Variants in C11orf52 observed in about 807,000 individuals in gnomAD.
C11orf52 encodes the protein chromosome 11 open reading frame 52.
In C11orf52, 9 loss-of-function variants were observed where a neutral mutation model predicts 11.7. The ratio of observed to expected loss-of-function variants is 0.77; its 90% CI spans 0.46 to 1.34. C11orf52 has a LOEUF of 1.34. C11orf52 is among the 40% of genes most tolerant of loss of function. C11orf52 has a pLI of 0.00. For synonymous variants in C11orf52, 49 were observed against 57.4 expected, an observed-to-expected ratio of 0.85 and a Z score of 0.66; for missense variants, 139 against 154.8, an observed-to-expected ratio of 0.90 and a Z score of 0.54.
chr11:111,925,624 T>A, intron 2 of C11orf52, 29 bp from the exon 3 acceptor site: 1 of 1,610,810 alleles, frequency 6.2e-7, no homozygotes, highest in Middle Eastern at 1.7e-4. Flanking sequence ...GAAGAGAGAA[T>A]AAACTTAAGT....
chr11:111,919,227 C>G (rs1965647477), intron 1 of C11orf52: 1 of 572,364 alleles, frequency 1.7e-6, no homozygotes, highest in Non-Finnish European at 3.1e-6. Context: ...CTACTCCCAG[C>G]ACTTTGGGAG....
chr11:111,925,800 T>C, intron 3 of C11orf52, 86 bp downstream of exon 3: 2 of 1,572,740 alleles, frequency 1.3e-6, no homozygotes, highest in Non-Finnish European at 1.7e-6. Flanking sequence ...ACAGACACAT[T>C]TCAGTCACCT....
In C11orf52 at chr11:111,919,012, G is replaced by A. The variant is rs782706747; in HGVS notation, c.32+8G>A. ...CTGCTGCGGAGGAAGCTGGTGAGTA[G>A]GCTGGAAGGGCAAAGGGGAACATCT... On this transcript the variant is annotated splice_region_variant and intron_variant, in intron 1 of 3. Transcript: ENST00000278601. The A allele has an allele frequency of 1.8e-5, 29 of 1,614,082 alleles. No homozygotes were observed. Among genetic ancestry groups the A allele is most frequent in the Non-Finnish European group, 2.5e-5 (29 of 1,180,032 alleles).
In C11orf52 at chr11:111,926,596, A is replaced by T; in HGVS notation, c.*397A>T. ...AATGGTATCCTTTTTCACACACCTT[A>T]AACTCCAAAGCTGAAGGGGAGGTGC... On this transcript the variant is annotated 3_prime_UTR_variant, in exon 4 of 4. Transcript: ENST00000278601. 4.6e-6 allele frequency: 1 copy of T among 219,556 alleles called. No homozygotes were observed. The highest frequency in any genetic ancestry group is 9.3e-6 in the Non-Finnish European group (1 of 107,706). 13.6% of individuals were successfully genotyped at this position (219,556 alleles called of 1,614,324 possible).
rs1965798116 is a variant in C11orf52, at chr11:111,926,008, G to C, written c.181G>C (p.Gly61Arg). The C allele has an allele frequency of 1.2e-6, 2 of 1,614,258 alleles. No individual in the cohort carries two copies. Among genetic ancestry groups the C allele is most frequent in the Non-Finnish European group, 1.7e-6 (2 of 1,180,050 alleles). The change falls in exon 4 of 4, where the codon GGG becomes CGG. Residue 61 changes from glycine to arginine, a missense_variant. Gly to Arg is a moderately radical substitution (Grantham distance 125). Coordinates refer to ENST00000278601, the MANE Select transcript of C11orf52 (RefSeq NM_080659.3). ...GTATGAACGGGTGTTACAGCAGCAA[G>C]GGTCTCAAGAGAGGAGTCCAGGCCT... Reference protein sequence around the residue: ...HTYERVLQQQGSQERSPGLMS... With the variant: ...HTYERVLQQQRSQERSPGLMS...
intron 1 of C11orf52, among the ~76,000 whole-genome samples, chr11:111,922,701 A>C (rs1555166633): frequency 6.6e-6 from 1 of 152,208 alleles, no homozygotes; most frequent in Non-Finnish European, 1.5e-5. Context: ...CAGTTACCAA[A>C]TCATGGACCT....
intron 1 of C11orf52, among the ~76,000 whole-genome samples, chr11:111,920,940 A>G (rs915425648): frequency 1.0e-5 from 1 of 98,074 alleles, no homozygotes; most frequent in Non-Finnish European, 2.2e-5. Context: ...TGTGTAGATC[A>G]CAGGCTTATT....
intron 1 of C11orf52, among the ~76,000 whole-genome samples, chr11:111,923,478 G>T (rs1965733877): frequency 6.6e-6 from 1 of 152,166 alleles, no homozygotes; most frequent in African/African-American, 2.4e-5. Flanking sequence ...AGACAAACAG[G>T]GTTGGTTCTG....
In C11orf52 at chr11:111,919,002, C is replaced by G. The variant is rs1166558074; in HGVS notation, c.30C>G (p.Ser10Arg). 2.5e-6 allele frequency: 4 copies of G among 1,614,064 alleles called. No homozygotes were observed. Among genetic ancestry groups the G allele is most frequent in the Admixed American group, 1.7e-5 (1 of 59,998 alleles). ...GAAACCGGGTCTGCTGCGGAGGAAG[C>G]TGGTGAGTAGGCTGGAAGGGCAAAG... is the stretch of plus-strand genomic sequence containing the variant. Reference protein sequence around the residue: MGNRVCCGGSWSCPSTFQKK... With the variant: MGNRVCCGGRWSCPSTFQKK... The change falls in exon 1 of 4, where the codon AGC becomes AGG. Residue 10 changes from serine to arginine, a missense_variant and splice_region_variant. By Grantham distance (110) the Ser-to-Arg change is moderately radical. Transcript: ENST00000278601.
At chr11:111,925,186 T>C (rs1466537929) in intron 2 of C11orf52, among the ~76,000 whole-genome samples, 14 of 149,592 alleles carry the variant, frequency 9.4e-5, no homozygotes, top group Non-Finnish European at 1.8e-4. Flanking sequence ...TTTAGGCAGA[T>C]AAATCAGCTC....
At chr11:111,919,059 G>A in intron 1 of C11orf52, 55 bp downstream of exon 1, 2 of 1,603,814 alleles carry the variant, frequency 1.2e-6, no homozygotes, top group Admixed American at 1.7e-5. Flanking sequence ...TGGATGTAGA[G>A]GCCCCGAAAA....
Position 111,925,686 on chromosome 11 carries a change from C to G in C11orf52, c.104C>G (p.Pro35Arg), listed in dbSNP as rs782510676. Residue 35 changes from proline (P) to arginine (R), a missense_variant, in exon 3 of 4, where the codon CCA becomes CGA. Pro to Arg is a moderately radical substitution (Grantham distance 103, BLOSUM62 -2). Coordinates refer to ENST00000278601, the MANE Select transcript of C11orf52 (RefSeq NM_080659.3). ...ACAAGACGGACACTGAAGCCGCAGC[C>G]ACAACAGCTGCAGCAGAATCTCCCA... ...SQTRRTLKPQ[P>R]QQLQQNLPKG... The G allele has an allele frequency of 6.2e-7, 1 of 1,614,202 alleles. No individual in the cohort carries two copies. The highest frequency in any genetic ancestry group is 1.7e-5 in the Admixed American group (1 of 60,026).
rs587748585 is a variant in C11orf52 at position 111,922,119 on chromosome 11, A to G, written c.33-2207A>G. ...AGTGTTGGCATTACAGGCGTGAGCCACCGCACCTGGCCTATCATACCTCAT... is the reference window on the plus strand; with the variant it reads ...AGTGTTGGCATTACAGGCGTGAGCCGCCGCACCTGGCCTATCATACCTCAT... On this transcript the variant is annotated intron_variant, in intron 1 of 3. Coordinates refer to ENST00000278601, the MANE Select transcript of C11orf52 (RefSeq NM_080659.3). 5.3e-5 allele frequency among the ~76,000 whole-genome samples: 8 copies of G among 152,344 alleles called. No individual in the cohort carries two copies. In the South Asian group the frequency reaches 1.7e-3, roughly 32 times the overall value.
Position 111,924,651 on chromosome 11 carries a change from G to T in C11orf52, c.70+288G>T, listed in dbSNP as rs149833665. Reference sequence around the variant, plus strand: ...TCAGGACCTGTGTGGGTCCCAAGGAGGCAGAGAGGCACAAGAGGAAAGACA... The same window carrying T: ...TCAGGACCTGTGTGGGTCCCAAGGATGCAGAGAGGCACAAGAGGAAAGACA... On this transcript the variant is annotated intron_variant, in intron 2 of 3. Transcript: ENST00000278601. Among the ~76,000 whole-genome samples the T allele has an allele frequency of 1.1e-3, 169 of 152,286 alleles. 1 individual carries two copies. Among genetic ancestry groups the T allele is most frequent in the African/African-American group, 3.7e-3 (152 of 41,558 alleles).
At chr11:111,923,416 G>C (rs77077562) in intron 1 of C11orf52, among the ~76,000 whole-genome samples, 1 of 152,078 alleles carries the variant, frequency 6.6e-6, no homozygotes, top group Non-Finnish European at 1.5e-5. Flanking sequence ...TCTCTCTCTC[G>C]CCCTCTCAAA....
intron 1 of C11orf52, among the ~76,000 whole-genome samples, chr11:111,920,148 T>C: frequency 6.6e-6 from 1 of 151,818 alleles, no homozygotes; most frequent in East Asian, 1.9e-4. Context: ...TGAGCCGAGA[T>C]TGCACCACTG....
intron 2 of C11orf52, among the ~76,000 whole-genome samples, chr11:111,925,359 C>T (rs1286223948): frequency 6.6e-6 from 1 of 152,328 alleles, no homozygotes; most frequent in East Asian, 1.9e-4. Context: ...ACTCATCCTT[C>T]TACCCCCAGA....
At position 111,925,956 on chromosome 11, in the gene C11orf52, G is replaced by A. The variant is rs1007820968; in HGVS notation, c.133-4G>A. Reference sequence around the variant, plus strand: ...TCTCCCTTAATGCTATCCATTCCTCGCAGGGCCATGAAACAACAGGACATA... The same window carrying A: ...TCTCCCTTAATGCTATCCATTCCTCACAGGGCCATGAAACAACAGGACATA... On this transcript the variant is annotated splice_polypyrimidine_tract_variant and splice_region_variant and intron_variant, in intron 3 of 3. Coordinates refer to ENST00000278601, the MANE Select transcript of C11orf52 (RefSeq NM_080659.3). 1 of 1,614,110 alleles carries A rather than the reference G, an allele frequency of 6.2e-7. No individual in the cohort carries two copies. Among genetic ancestry groups the A allele is most frequent in the East Asian group, 2.2e-5 (1 of 44,870 alleles).
At position 111,925,621 on chromosome 11, in the gene C11orf52, G is replaced by C. The variant is rs1555166867; in HGVS notation, c.71-32G>C. On this transcript the variant is annotated intron_variant, in intron 2 of 3. Coordinates refer to ENST00000278601, the MANE Select transcript of C11orf52 (RefSeq NM_080659.3). The stretch of plus-strand genomic sequence containing the variant: ...AATCTCAGTAGAGACAGGGAAGAGA[G>C]AATAAACTTAAGTTGGATTTCTTCC... 2.5e-6 allele frequency: 4 copies of C among 1,608,846 alleles called. No individual in the cohort carries two copies. In the South Asian group the frequency reaches 4.4e-5, roughly 18 times the overall value.
Sources: allele counts gnomAD v4.1 joint callset (sites outside exome capture counted in the v4.1 genomes callset), GRCh38; gene constraint gnomAD v4.1.1; transcripts MANE v1.5; gene names NCBI Gene and HGNC (gene_info 2026-07-23, HGNC 2026-07-21).